Variants in SLC28A1 observed in about 807,000 individuals in gnomAD.
SLC28A1 encodes solute carrier family 28 member 1.
A neutral mutation model predicts 74.8 loss-of-function variants in SLC28A1; 64 were observed. That is an observed-to-expected ratio of 0.86 (90% CI 0.70 to 1.05). The LOEUF (loss-of-function observed/expected upper bound fraction) is 1.05, where lower values mean the gene tolerates loss of function less well. Ranked by LOEUF, SLC28A1 falls within the 50% of genes least tolerant of loss-of-function variation. The probability of loss-of-function intolerance (pLI) is 0.00; values close to 1 mark genes in which losing one functional copy is unlikely to be tolerated. For missense variants in SLC28A1, 828 were observed against 822.8 expected, an observed-to-expected ratio of 1.01 and a Z score of -0.08; for synonymous variants, 359 against 335.0, an observed-to-expected ratio of 1.07 and a Z score of -0.78.
At chr15:84,908,604 GGCCTGGGGGGACTACGT>G in intron 8 of SLC28A1, 97 bp from the exon 9 acceptor site, 1 of 835,846 alleles carries the variant, frequency 1.2e-6, no homozygotes, top group South Asian at 1.4e-5. Flanking sequence ...CCCGGATAAG[GGCCTGGGGGGACTACGT>G]CCCTGGGCCA....
rs527442166 is a variant in SLC28A1 at position 84,903,338 on chromosome 15, A to C, written c.462-759A>C. Among the ~76,000 whole-genome samples the C allele has an allele frequency of 6.6e-5, 10 of 152,356 alleles. No homozygotes were observed. In the South Asian group the frequency reaches 2.1e-3, roughly 32 times the overall value. On this transcript the variant is annotated intron_variant, in intron 6 of 18. Coordinates refer to ENST00000394573, the MANE Select transcript of SLC28A1 (RefSeq NM_004213.5). ...CTAGATGAGTGGCCTTGGGCCAGTT[A>C]TTTAACCTCTCTGTGCCTCAGTTTC...
chr15:84,906,850 T>A (rs1034575647), intron 8 of SLC28A1, among the ~76,000 whole-genome samples: 1 of 152,162 alleles, frequency 6.6e-6, no homozygotes, highest in African/African-American at 2.4e-5. Flanking sequence ...TTTGCAACTA[T>A]CATGATTTAC....
At chr15:84,967,641 G>A in the SLC28A1 span, among the ~76,000 whole-genome samples, 2 of 152,216 alleles carry the variant, frequency 1.3e-5, no homozygotes, top group African/African-American at 2.4e-5. Context: ...GGCAGCAGAC[G>A]TTGTCCCTTG....
At chr15:84,960,818 T>G in the SLC28A1 span, among the ~76,000 whole-genome samples, 1 of 152,244 alleles carries the variant, frequency 6.6e-6, no homozygotes, top group African/African-American at 2.4e-5. Context: ...GTTGCTGCTC[T>G]CACTCTCTTA....
rs772733381 is a variant in SLC28A1 at position 84,920,966 on chromosome 15, A to G, written c.877-23A>G. On this transcript the variant is annotated intron_variant, in intron 10 of 18. Coordinates refer to ENST00000394573, the MANE Select transcript of SLC28A1 (RefSeq NM_004213.5). ...TGGGGTTTGCTGATGTCAGCCCACA[A>G]AGAACATTCTGCTTCCTTCTAGATT... 6 of 1,604,554 alleles carry G rather than the reference A, an allele frequency of 3.7e-6. No homozygotes were observed. In the East Asian group the frequency reaches 8.9e-5, roughly 24 times the overall value.
chr15:84,975,390 A>G, the SLC28A1 span: 1 of 427,098 alleles, frequency 2.3e-6, no homozygotes, highest in Non-Finnish European at 4.8e-6. Context: ...CTCATGTCTT[A>G]TTGCACTTCT....
the SLC28A1 span, among the ~76,000 whole-genome samples, chr15:84,961,273 A>C: frequency 6.6e-6 from 1 of 152,126 alleles, no homozygotes; most frequent in African/African-American, 2.4e-5. Context: ...CAGGATAAAG[A>C]AATGCATGGA....
intron 7 of SLC28A1, 55 bp downstream of exon 7, chr15:84,904,293 C>T: frequency 6.2e-7 from 1 of 1,609,526 alleles, no homozygotes; most frequent in Non-Finnish European, 8.5e-7. Context: ...CTCTTCTGCC[C>T]CTAGGCTGGA....
chr15:84,886,018 C>T (rs898501975), intron 1 of SLC28A1: 8 of 418,100 alleles, frequency 1.9e-5, no homozygotes, highest in East Asian at 1.6e-4. Context: ...GTCCTGAGCG[C>T]GTACCATTAA....
the SLC28A1 span, among the ~76,000 whole-genome samples, chr15:84,962,186 C>T: frequency 7.9e-5 from 12 of 151,986 alleles, no homozygotes; most frequent in African/African-American, 2.9e-4. Context: ...GTGATCCTCC[C>T]GCCTAAGCCT....
Position 84,901,456 on chromosome 15 carries a change from A to G in SLC28A1, c.462-2641A>G, listed in dbSNP as rs560257806. 7.2e-5 allele frequency among the ~76,000 whole-genome samples: 11 copies of G among 152,300 alleles called. No individual in the cohort carries two copies. The South Asian group carries it at 2.3e-3, about 32-fold the overall frequency. ...CAGGAGGTGGAAGTTGTAGTGAGCC[A>G]GGATCTTGTGCCTCTGCACTCCAGC... On this transcript the variant is annotated intron_variant, in intron 6 of 18. Transcript: ENST00000394573.
intron 5 of SLC28A1, among the ~76,000 whole-genome samples, chr15:84,892,286 G>A (rs940334748): frequency 6.6e-6 from 1 of 152,192 alleles, no homozygotes; most frequent in Non-Finnish European, 1.5e-5. Flanking sequence ...GGGGCAGTGA[G>A]AGAGGCGACA....
At chr15:84,906,573 T>TCTCTTGCTTCCTTC (rs1567140749) in intron 8 of SLC28A1, among the ~76,000 whole-genome samples, 2 of 97,976 alleles carry the variant, frequency 2.0e-5, no homozygotes, top group Admixed American at 1.1e-4. Flanking sequence ...TCTCTTTCTT[T>TCTCTTGCTTCCTTC]CTTCCTTCCT....
chr15:84,924,169 G>C, intron 12 of SLC28A1, 59 bp downstream of exon 12: 1 of 1,583,714 alleles, frequency 6.3e-7, no homozygotes, highest in Non-Finnish European at 8.6e-7. Flanking sequence ...ATCTTTGTGG[G>C]AGCCCCACAC....
the SLC28A1 span, among the ~76,000 whole-genome samples, chr15:84,964,439 C>T: frequency 2.6e-5 from 4 of 152,240 alleles, no homozygotes; most frequent in South Asian, 2.1e-4. Context: ...TCCTTCCTCT[C>T]ACTCAGTAGG....
At chr15:84,951,132 C>T in the SLC28A1 span, among the ~76,000 whole-genome samples, 2 of 152,266 alleles carry the variant, frequency 1.3e-5, no homozygotes, top group Non-Finnish European at 1.5e-5. Flanking sequence ...ACAAAGGCAA[C>T]ACCCGAGAGA....
At chr15:84,918,862 C>T (rs764841777) in intron 10 of SLC28A1, among the ~76,000 whole-genome samples, 1 of 67,978 alleles carries the variant, frequency 1.5e-5, no homozygotes, top group Non-Finnish European at 3.0e-5. Context: ...AGAGTTCACA[C>T]CTTCCTAGAA....
chr15:84,892,635 C>T (rs937604269), intron 5 of SLC28A1, among the ~76,000 whole-genome samples: 2 of 152,206 alleles, frequency 1.3e-5, no homozygotes, highest in Non-Finnish European at 2.9e-5. Flanking sequence ...TTTGATTTCT[C>T]TGGCTTTTCA....
intron 15 of SLC28A1, chr15:84,938,396 T>A (rs1188455047): frequency 2.0e-5 from 3 of 152,102 alleles, no homozygotes; most frequent in Non-Finnish European, 4.4e-5. Flanking sequence ...ATGAGGTGTT[T>A]AGATGCAGGC....
Sources: gnomAD v4.1 joint callset for allele counts (sites outside exome capture counted in the v4.1 genomes callset) on GRCh38, gnomAD v4.1.1 for gene constraint, MANE v1.5 for transcripts, NCBI Gene and HGNC (gene_info 2026-07-23, HGNC 2026-07-21) for gene names.